Variants in CDK19 observed in about 807,000 individuals in gnomAD.
CDK19 encodes cyclin-dependent kinase 19.
Under a neutral mutation model 68.3 loss-of-function variants are expected in CDK19, and 20 were observed. The observed-to-expected ratio is 0.29, with a 90% CI of 0.21 to 0.43. The LOEUF is 0.43. Among genes scored for constraint, CDK19 ranks in the 20% least tolerant of loss-of-function variants. The pLI, the probability that CDK19 is intolerant of heterozygous loss-of-function variation, is 1.00. For synonymous variants in CDK19, 221 were observed against 222.8 expected (o/e 0.99, Z 0.07); for missense variants, 339 against 623.5 (o/e 0.54, Z 4.86).
chr6:110,618,046 CCT>C (rs903668387), intron 12 of CDK19, among the ~76,000 whole-genome samples: 2 of 152,008 alleles, frequency 1.3e-5, no homozygotes, highest in Admixed American at 1.3e-4. Context: ...GAAATCTCCC[CCT>C]TTTTCCAGGA....
At chr6:110,673,411 T>C (rs949367885) in intron 2 of CDK19, among the ~76,000 whole-genome samples, 1 of 152,226 alleles carries the variant, frequency 6.6e-6, no homozygotes, top group African/African-American at 2.4e-5. Flanking sequence ...TATATATTGG[T>C]GTATAAATAA....
intron 1 of CDK19, among the ~76,000 whole-genome samples, chr6:110,765,249 C>T (rs1016748784): frequency 6.6e-6 from 1 of 151,962 alleles, no homozygotes; most frequent in Non-Finnish European, 1.5e-5. Context: ...AGGACCACGT[C>T]TCTACAAAAA....
In CDK19 at chr6:110,666,818, G is replaced by A. The variant is rs551819388; in HGVS notation, c.456+616C>T. Among the ~76,000 whole-genome samples the A allele has an allele frequency of 9.9e-5, 15 of 152,026 alleles. No homozygotes were observed. The East Asian group carries it at 2.7e-3, about 27-fold the overall frequency. ...TCTTAAGAACAAACAAAAGAAACTT[G>A]CATCAACATAAACTAAAATAACAAC... On this transcript the variant is annotated intron_variant, in intron 4 of 12. Transcript: ENST00000368911.
intron 2 of CDK19, among the ~76,000 whole-genome samples, chr6:110,736,075 T>C (rs765211755): frequency 2.0e-5 from 3 of 152,128 alleles, no homozygotes; most frequent in Non-Finnish European, 2.9e-5. Context: ...GGCGTGGTAG[T>C]TCACGCCTGT....
At chr6:110,678,144 G>C (rs1771690128) in intron 2 of CDK19, among the ~76,000 whole-genome samples, 1 of 152,018 alleles carries the variant, frequency 6.6e-6, no homozygotes, top group South Asian at 2.1e-4. Flanking sequence ...CACCACACTA[G>C]CCCAGAAAGA....
At position 110,646,714 on chromosome 6, in the gene CDK19, CGATG is replaced by C. The variant is rs1269308381; in HGVS notation, c.457-8012_457-8009del. Among the ~76,000 whole-genome samples the C allele has an allele frequency of 4.6e-5, 7 of 152,294 alleles. No individual in the cohort carries two copies. The East Asian group carries it at 1.4e-3, about 29-fold the overall frequency. On this transcript the variant is annotated intron_variant, in intron 4 of 12. Coordinates refer to ENST00000368911, the MANE Select transcript of CDK19 (RefSeq NM_015076.5). ...CTGGAATCTCGTTCATCATCCCTATCGATGCAGTTAACCCACCTCGGCTGCCTCC... is the reference window on the plus strand; with the variant it reads ...CTGGAATCTCGTTCATCATCCCTATCCAGTTAACCCACCTCGGCTGCCTCC...
intron 2 of CDK19, among the ~76,000 whole-genome samples, chr6:110,683,701 CTTTTTTT>C (rs200335188): frequency 7.8e-6 from 1 of 127,394 alleles, no homozygotes. Flanking sequence ...AGTATTTAAT[CTTTTTTT>C]TTTTTTTTTT....
In CDK19 at chr6:110,720,045, C is replaced by T. The variant is rs955492536; in HGVS notation, c.204+26081G>A. Among the ~76,000 whole-genome samples the T allele has an allele frequency of 2.7e-5, 4 of 145,690 alleles. 1 individual carries two copies. Among genetic ancestry groups the T allele is most frequent in the African/African-American group, 1.0e-4 (4 of 39,348 alleles). ...GATTACAGGCATGAGCCACTGTGCTCTGCCATGGCAGTGGGTTTAACAATC... is the reference window on the plus strand; with the variant it reads ...GATTACAGGCATGAGCCACTGTGCTTTGCCATGGCAGTGGGTTTAACAATC... On this transcript the variant is annotated intron_variant, in intron 2 of 12. Transcript: ENST00000368911.
Position 110,751,930 on chromosome 6 carries a change from T to C in CDK19, c.129-5729A>G, listed in dbSNP as rs1778498852. On this transcript the variant is annotated intron_variant, in intron 1 of 12. Coordinates refer to ENST00000368911, the MANE Select transcript of CDK19 (RefSeq NM_015076.5). ...CAACTATTTTTTTCTTCAAGAAGAATGATGAAATAAATCAATGTTGTATCC... is the reference window on the plus strand; with the variant it reads ...CAACTATTTTTTTCTTCAAGAAGAACGATGAAATAAATCAATGTTGTATCC... Among the ~76,000 whole-genome samples the C allele has an allele frequency of 2.0e-5, 3 of 152,224 alleles. No homozygotes were observed. In the South Asian group the frequency reaches 6.2e-4, roughly 32 times the overall value.
rs539438907 is a variant in CDK19 at position 110,654,697 on chromosome 6, T to C, written c.456+12737A>G. Reference sequence around the variant, plus strand: ...GGCTCATGCCTGTAATCCCAGAACATTGGGAGGCCAAGGCGGGCAGATGAC... The same window carrying C: ...GGCTCATGCCTGTAATCCCAGAACACTGGGAGGCCAAGGCGGGCAGATGAC... On this transcript the variant is annotated intron_variant, in intron 4 of 12. Transcript: ENST00000368911. Among the ~76,000 whole-genome samples the C allele has an allele frequency of 4.3e-4, 65 of 152,218 alleles. 1 individual carries two copies. Among genetic ancestry groups the C allele is most frequent in the Non-Finnish European group, 5.4e-4 (37 of 68,004 alleles).
chr6:110,682,215 A>G (rs1210346821), intron 2 of CDK19, among the ~76,000 whole-genome samples: 1 of 152,228 alleles, frequency 6.6e-6, no homozygotes, highest in African/African-American at 2.4e-5. Flanking sequence ...CTTTTAAGTA[A>G]CAGTGTGATT....
chr6:110,731,653 AGT>A (rs1175832716), intron 2 of CDK19, among the ~76,000 whole-genome samples: 1 of 152,210 alleles, frequency 6.6e-6, no homozygotes, highest in African/African-American at 2.4e-5. Flanking sequence ...GGTCTTTTCC[AGT>A]CTCTCTCATG....
intron 4 of CDK19, among the ~76,000 whole-genome samples, chr6:110,661,108 C>A (rs1412721251): frequency 6.6e-6 from 1 of 152,194 alleles, no homozygotes; most frequent in Admixed American, 6.5e-5. Context: ...TATCCAAAGT[C>A]ATATAATATA....
intron 2 of CDK19, 75 bp downstream of exon 2, chr6:110,746,051 T>C: frequency 2.8e-6 from 2 of 702,348 alleles, no homozygotes; most frequent in Non-Finnish European, 2.3e-6. Context: ...TATATATTAA[T>C]GAAACTTTTA....
Position 110,767,441 on chromosome 6 carries a change from G to A in CDK19, c.129-21240C>T, listed in dbSNP as rs372789902. ...GAGACCAGCCTGGCCAAAAACCTCC[G>A]CCTCCCAGGTTCAAGCAATTCTCTC... On this transcript the variant is annotated intron_variant, in intron 1 of 12. Transcript: ENST00000368911. Among the ~76,000 whole-genome samples, 180 of 148,130 alleles carry A rather than the reference G, an allele frequency of 1.2e-3. 3 individuals carry two copies. The South Asian group carries it at 0.034, about 28-fold the overall frequency.
intron 2 of CDK19, among the ~76,000 whole-genome samples, chr6:110,719,968 AT>A (rs1775711465): frequency 3.2e-5 from 1 of 31,572 alleles, no homozygotes; most frequent in South Asian, 1.9e-3. Flanking sequence ...TGACCTTGTG[AT>A]CCGCCCCCCC....
intron 2 of CDK19, among the ~76,000 whole-genome samples, chr6:110,742,693 T>C (rs1175220854): frequency 6.6e-6 from 1 of 152,132 alleles, no homozygotes; most frequent in Non-Finnish European, 1.5e-5. Flanking sequence ...AGATAAGGAA[T>C]GAAATACGCC....
chr6:110,670,719 G>C, intron 2 of CDK19, 178 bp from the exon 3 acceptor site: 1 of 653,432 alleles, frequency 1.5e-6, no homozygotes, highest in East Asian at 2.8e-5. Flanking sequence ...TCAATATCTT[G>C]GTGCATATCT....
At chr6:110,711,952 G>A (rs1178688229) in intron 2 of CDK19, among the ~76,000 whole-genome samples, 1 of 152,224 alleles carries the variant, frequency 6.6e-6, no homozygotes, top group East Asian at 1.9e-4. Flanking sequence ...CAGCCTGGGT[G>A]ACACTGCGAG....
Sources: allele counts gnomAD v4.1 joint callset (sites outside exome capture counted in the v4.1 genomes callset), GRCh38; gene constraint gnomAD v4.1.1; transcripts MANE v1.5; gene names NCBI Gene and HGNC (gene_info 2026-07-23, HGNC 2026-07-21).